TIAM1: variants seen among roughly 807,000 people sequenced by gnomAD.
TIAM1 encodes rho guanine nucleotide exchange factor TIAM1.
TIAM1 carries 65 observed loss-of-function variants against 163.5 expected under a neutral mutation model. That is an observed-to-expected ratio of 0.40 (90% confidence interval 0.33 to 0.49). The LOEUF (loss-of-function observed/expected upper bound fraction) is 0.49, where lower values mean the gene tolerates loss of function less well. TIAM1 is among the 20% of genes least tolerant of loss of function. TIAM1 has a pLI of 0.77. For synonymous variants in TIAM1, 833 were observed against 810.1 expected (o/e 1.03, Z -0.48); for missense variants, 1,789 against 2,044.7 (o/e 0.87, Z 2.41).
In TIAM1 at chr21:31,195,229, G is replaced by A. The variant is rs1238638636; in HGVS notation, c.2570C>T (p.Thr857Ile). ...HIEKSDTAAD[T>I]YGFSLSSVEE... Reference sequence around the variant, plus strand: ...ACAAAGAAAAATAAACTTACCGTAAGTATCAGCAGCTGTATCTGACTTCTC... The same window carrying A: ...ACAAAGAAAAATAAACTTACCGTAAATATCAGCAGCTGTATCTGACTTCTC... The change falls in exon 13 of 28, where the codon ACT becomes ATT. Residue 857 changes from threonine to isoleucine, a missense_variant. This residue lies in a region of TIAM1 where 456 missense variants were observed against 586.6 expected (regional missense o/e 0.78). Coordinates refer to ENST00000541036, the MANE Select transcript of TIAM1 (RefSeq NM_001353694.2). 5.0e-6 allele frequency: 8 copies of A among 1,610,440 alleles called. No homozygotes were observed. The highest frequency in any genetic ancestry group is 6.8e-6 in the Non-Finnish European group (8 of 1,177,104).
chr21:31,238,995 C>T (rs576963707), intron 6 of TIAM1, among the ~76,000 whole-genome samples: 1 of 152,236 alleles, frequency 6.6e-6, no homozygotes, highest in South Asian at 2.1e-4. Context: ...TGGTGGTATA[C>T]AATAAGGGCT....
At chr21:31,557,302 A>G (rs1333338091) in intron 1 of TIAM1, among the ~76,000 whole-genome samples, 2 of 152,150 alleles carry the variant, frequency 1.3e-5, no homozygotes, top group Non-Finnish European at 2.9e-5. Context: ...GGGAGTGAAG[A>G]ACGCAGAAAA....
rs887315075 is a variant in TIAM1, at chr21:31,254,156, A to G, written c.964-1967T>C. Among the ~76,000 whole-genome samples the G allele has an allele frequency of 8.4e-4, 128 of 152,340 alleles. 1 individual carries two copies. The highest frequency in any genetic ancestry group is 3.1e-3 in the African/African-American group (128 of 41,586). On this transcript the variant is annotated intron_variant, in intron 4 of 27. Transcript: ENST00000541036. Reference sequence around the variant, plus strand: ...GCTACACAGGTAACATCCCTATTCCATAAGAGAGACTTTGGTACAAAGGAG... The same window carrying G: ...GCTACACAGGTAACATCCCTATTCCGTAAGAGAGACTTTGGTACAAAGGAG...
At position 31,130,279 on chromosome 21, in the gene TIAM1, C is replaced by G. The variant is rs755571316; in HGVS notation, c.3979G>C (p.Asp1327His). ...ATCATGTGTCGAAATCTGAAGGGGT[C>G]CCAGTCCTCATAAATGGAAAGCCTG... ...SHRLSIYEDW[D>H]PFRFRHMIPT... The change falls in exon 25 of 28, where the codon GAC becomes CAC. Residue 1327 changes from aspartate (D) to histidine (H), a missense_variant. By Grantham distance (81) the Asp-to-His change is moderately conservative. Coordinates refer to ENST00000541036, the MANE Select transcript of TIAM1 (RefSeq NM_001353694.2). 1.2e-6 allele frequency: 2 copies of G among 1,614,020 alleles called. No individual in the cohort carries two copies. Among genetic ancestry groups the G allele is most frequent in the African/African-American group, 1.3e-5 (1 of 74,984 alleles).
At chr21:31,446,389 A>AG (rs2147313431) in intron 2 of TIAM1, among the ~76,000 whole-genome samples, 1 of 152,324 alleles carries the variant, frequency 6.6e-6, no homozygotes, top group Admixed American at 6.5e-5. Flanking sequence ...TTCTAGGGGC[A>AG]CAGGCAGCAG....
At chr21:31,373,313 A>G (rs2076630084) in intron 2 of TIAM1, among the ~76,000 whole-genome samples, 1 of 152,142 alleles carries the variant, frequency 6.6e-6, no homozygotes, top group Non-Finnish European at 1.5e-5. Flanking sequence ...TTTGCTCTGC[A>G]TTAGTCTCTT....
At chr21:31,302,262 C>A (rs1275075390) in intron 2 of TIAM1, among the ~76,000 whole-genome samples, 1 of 152,016 alleles carries the variant, frequency 6.6e-6, no homozygotes, top group Non-Finnish European at 1.5e-5. Flanking sequence ...AAAAAGAAAC[C>A]ACTTCCAGTA....
rs562808612 is a variant in TIAM1, at chr21:31,389,362, C to A, written c.-368-49940G>T. On this transcript the variant is annotated intron_variant, in intron 2 of 28. Transcript: ENST00000286827. Reference sequence around the variant, plus strand: ...TAGCTGTGATTACAGGTGCCTTCCACCACACCCAGCTAATTTTAGTATTTT... The same window carrying A: ...TAGCTGTGATTACAGGTGCCTTCCAACACACCCAGCTAATTTTAGTATTTT... Among the ~76,000 whole-genome samples, 6 of 152,280 alleles carry A rather than the reference C, an allele frequency of 3.9e-5. No individual in the cohort carries two copies. In the South Asian group the frequency reaches 1.0e-3, roughly 26 times the overall value.
intron 2 of TIAM1, among the ~76,000 whole-genome samples, chr21:31,387,101 C>T (rs961463669): frequency 2.0e-5 from 3 of 151,966 alleles, no homozygotes; most frequent in African/African-American, 7.3e-5. Flanking sequence ...GTGGCTACAG[C>T]CTTCTCTTTT....
At chr21:31,337,163 A>AT (rs1239407488) in intron 2 of TIAM1, among the ~76,000 whole-genome samples, 12 of 152,150 alleles carry the variant, frequency 7.9e-5, no homozygotes, top group African/African-American at 2.9e-4. Flanking sequence ...TTTGATTAGG[A>AT]AGTGTTTTCA....
intron 1 of TIAM1, among the ~76,000 whole-genome samples, chr21:31,494,102 C>G (rs191088888): frequency 6.6e-6 from 1 of 152,188 alleles, no homozygotes; most frequent in East Asian, 1.9e-4. Flanking sequence ...TTTATAGAGA[C>G]AGGGTTTTGC....
chr21:31,125,237 A>T (rs1225817462), intron 26 of TIAM1, among the ~76,000 whole-genome samples: 1 of 151,842 alleles, frequency 6.6e-6, no homozygotes, highest in African/African-American at 2.4e-5. Flanking sequence ...AAAAAAAAAA[A>T]AGTGCTTCCT....
intron 2 of TIAM1, among the ~76,000 whole-genome samples, chr21:31,279,210 G>A (rs1038118807): frequency 2.6e-5 from 4 of 152,164 alleles, no homozygotes; most frequent in Non-Finnish European, 4.4e-5. Context: ...AAACGGAGTC[G>A]ATTTGGTATA....
At chr21:31,164,126 C>T (rs1422999776) in intron 16 of TIAM1, among the ~76,000 whole-genome samples, 3 of 152,220 alleles carry the variant, frequency 2.0e-5, no homozygotes, top group Non-Finnish European at 4.4e-5. Context: ...TGCAGTGGCT[C>T]ACGCCTGTAA....
At chr21:31,201,538 A>G (rs1324059924) in intron 12 of TIAM1, among the ~76,000 whole-genome samples, 2 of 152,246 alleles carry the variant, frequency 1.3e-5, no homozygotes, top group Non-Finnish European at 2.9e-5. Flanking sequence ...GACTGTATAC[A>G]TTTGTCAAAA....
intron 2 of TIAM1, among the ~76,000 whole-genome samples, chr21:31,295,848 AG>A (rs1256747539): frequency 6.6e-6 from 1 of 152,156 alleles, no homozygotes; most frequent in Non-Finnish European, 1.5e-5. Context: ...ATTGGGCTGG[AG>A]TGCAGTGGAG....
At chr21:31,551,776 A>T (rs2048695843) in intron 1 of TIAM1, among the ~76,000 whole-genome samples, 1 of 152,152 alleles carries the variant, frequency 6.6e-6, no homozygotes, top group African/African-American at 2.4e-5. Context: ...TTATCAAAAA[A>T]TGTGGAGAAT....
At chr21:31,464,079 AC>A (rs757551465) in intron 1 of TIAM1, 1 of 152,234 alleles carries the variant, frequency 6.6e-6, no homozygotes, top group Non-Finnish European at 1.5e-5. Flanking sequence ...CTTCTGAGTG[AC>A]AAACAGCTTC....
intron 17 of TIAM1, 29 bp downstream of exon 17, chr21:31,154,218 G>C: frequency 6.2e-7 from 1 of 1,607,368 alleles, no homozygotes; most frequent in Non-Finnish European, 8.5e-7. Context: ...GAGGCAGAGG[G>C]AGGGCAGGGG....
Sources: gnomAD v4.1 joint callset for allele counts (sites outside exome capture counted in the v4.1 genomes callset) on GRCh38, gnomAD v4.1.1 for gene constraint, gnomAD v4.1.1 regional missense constraint, MANE v1.5 for transcripts, NCBI Gene and HGNC (gene_info 2026-07-23, HGNC 2026-07-21) for gene names.